Variants in PRKG1 observed in about 807,000 individuals in gnomAD.
The protein encoded by PRKG1 is protein kinase cGMP-dependent 1.
PRKG1 carries 35 observed loss-of-function variants against 88.1 expected under a neutral mutation model. That is an observed-to-expected ratio of 0.40 (90% CI 0.30 to 0.53). The LOEUF is 0.53. Among genes scored for constraint, PRKG1 ranks in the 20% least tolerant of loss-of-function variants. The pLI is 0.59. For missense variants in PRKG1, 540 were observed against 839.8 expected (o/e 0.64, Z 4.41); for synonymous variants, 303 against 292.5 (o/e 1.04, Z -0.37).
chr10:51,246,377 C>T (rs1347268248), intron 2 of PRKG1, among the ~76,000 whole-genome samples: 1 of 152,028 alleles, frequency 6.6e-6, no homozygotes, highest in African/African-American at 2.4e-5. Flanking sequence ...AGAGAGATAG[C>T]ACTCCACAAA....
At chr10:52,041,531 G>C (rs767677239) in intron 5 of PRKG1, among the ~76,000 whole-genome samples, 3 of 152,124 alleles carry the variant, frequency 2.0e-5, no homozygotes, top group Non-Finnish European at 4.4e-5. Context: ...CCAGTTATCT[G>C]GAATGGTTTG....
At chr10:51,853,723 GCAT>G (rs1840613266) in intron 4 of PRKG1, among the ~76,000 whole-genome samples, 1 of 152,046 alleles carries the variant, frequency 6.6e-6, no homozygotes, top group Admixed American at 6.6e-5. Flanking sequence ...CTGCAGGCAG[GCAT>G]CATATATATT....
At chr10:51,913,635 A>C (rs1222978999) in intron 5 of PRKG1, among the ~76,000 whole-genome samples, 1 of 152,220 alleles carries the variant, frequency 6.6e-6, no homozygotes, top group East Asian at 1.9e-4. Context: ...GTCCAGACCA[A>C]ACACAGTAAT....
chr10:52,261,155 C>T (rs1029033138), intron 10 of PRKG1, among the ~76,000 whole-genome samples: 1 of 151,800 alleles, frequency 6.6e-6, no homozygotes, highest in Non-Finnish European at 1.5e-5. Context: ...ACCTTATCTC[C>T]TCTTCAAAAA....
intron 2 of PRKG1, among the ~76,000 whole-genome samples, chr10:51,427,520 A>G (rs1318801531): frequency 6.6e-6 from 1 of 152,206 alleles, no homozygotes; most frequent in East Asian, 1.9e-4. Flanking sequence ...TTTAATACAT[A>G]GGTCACCAAG....
At chr10:52,010,640 C>A (rs1039914537) in intron 5 of PRKG1, among the ~76,000 whole-genome samples, 1 of 152,112 alleles carries the variant, frequency 6.6e-6, no homozygotes, top group African/African-American at 2.4e-5. Flanking sequence ...AAAAAAAGAA[C>A]CTGCAGAAGC....
rs111789797 is a variant in PRKG1 at position 51,628,434 on chromosome 10, A to T, written c.592+160598A>T. Among the ~76,000 whole-genome samples, 564 of 151,938 alleles carry T rather than the reference A, an allele frequency of 3.7e-3. 3 individuals are homozygous for T. The highest frequency in any genetic ancestry group is 0.013 in the African/African-American group (547 of 41,504). ...CGCCTCGCCCTCCCAAACTGCTGAGATTACAGGCGTGAGCCACTACCCCCA... is the reference window on the plus strand; with the variant it reads ...CGCCTCGCCCTCCCAAACTGCTGAGTTTACAGGCGTGAGCCACTACCCCCA... On this transcript the variant is annotated intron_variant, in intron 3 of 17. Transcript: ENST00000373980.
chr10:51,979,871 C>G (rs895360185), intron 5 of PRKG1, among the ~76,000 whole-genome samples: 7 of 151,928 alleles, frequency 4.6e-5, no homozygotes, highest in African/African-American at 1.7e-4. Context: ...TTATTTGGAT[C>G]TTCTCTCTTT....
At chr10:51,877,007 C>G (rs574279576) in intron 4 of PRKG1, among the ~76,000 whole-genome samples, 1 of 152,276 alleles carries the variant, frequency 6.6e-6, no homozygotes, top group South Asian at 2.1e-4. Context: ...TGTTCACACT[C>G]AAATCCTTGG....
At chr10:51,096,723 G>C (rs1280468967) in intron 1 of PRKG1, among the ~76,000 whole-genome samples, 1 of 152,132 alleles carries the variant, frequency 6.6e-6, no homozygotes, top group Non-Finnish European at 1.5e-5. Context: ...TCTGTTAGGA[G>C]AATTACACAA....
At chr10:51,431,224 A>C (rs1368665320) in intron 2 of PRKG1, among the ~76,000 whole-genome samples, 1 of 152,208 alleles carries the variant, frequency 6.6e-6, no homozygotes, top group Non-Finnish European at 1.5e-5. Flanking sequence ...AATTTATGGA[A>C]GTGACAAAGT....
intron 5 of PRKG1, among the ~76,000 whole-genome samples, chr10:51,947,483 A>G (rs1843076032): frequency 6.6e-6 from 1 of 151,990 alleles, no homozygotes. Flanking sequence ...TCTTCCGCCC[A>G]CTGTCTGGCA....
chr10:51,459,996 A>G (rs1839703865), intron 2 of PRKG1, among the ~76,000 whole-genome samples: 1 of 152,114 alleles, frequency 6.6e-6, no homozygotes, highest in Non-Finnish European at 1.5e-5. Flanking sequence ...AGTATTTTGT[A>G]TGCTCATGGA....
intron 5 of PRKG1, among the ~76,000 whole-genome samples, chr10:51,959,846 T>G (rs1903956): frequency 0.97 from 147,993 of 152,212 alleles, 72,085 homozygotes; most frequent in East Asian, 1. Flanking sequence ...GAATCTTGTG[T>G]TCTCTAAATT....
intron 4 of PRKG1, among the ~76,000 whole-genome samples, chr10:51,880,311 T>C (rs572337775): frequency 1.3e-5 from 2 of 152,154 alleles, no homozygotes; most frequent in African/African-American, 4.8e-5. Context: ...CATTATGTAA[T>C]TGAGTTAGAG....
At chr10:51,099,193 A>G (rs1285918184) in intron 1 of PRKG1, among the ~76,000 whole-genome samples, 1 of 152,048 alleles carries the variant, frequency 6.6e-6, no homozygotes, top group South Asian at 2.1e-4. Flanking sequence ...CTCGCTTTGT[A>G]TAGTAGCCTC....
intron 5 of PRKG1, among the ~76,000 whole-genome samples, chr10:52,030,722 C>T (rs1217983421): frequency 6.6e-6 from 1 of 152,154 alleles, no homozygotes; most frequent in Admixed American, 6.5e-5. Context: ...TGACTCAGCA[C>T]AATCAATCAC....
intron 1 of PRKG1, among the ~76,000 whole-genome samples, chr10:51,110,526 G>C (rs1844958083): frequency 6.6e-6 from 1 of 151,930 alleles, no homozygotes; most frequent in African/African-American, 2.4e-5. Flanking sequence ...TGGTTGCCTG[G>C]GATGGAGAGA....
chr10:51,851,823 G>T (rs1042429196), intron 4 of PRKG1, among the ~76,000 whole-genome samples: 1 of 152,094 alleles, frequency 6.6e-6, no homozygotes, highest in Non-Finnish European at 1.5e-5. Context: ...AGATACCAAG[G>T]TTGGCGAATA....
Sources: gnomAD v4.1 joint callset for allele counts (sites outside exome capture counted in the v4.1 genomes callset) on GRCh38, gnomAD v4.1.1 for gene constraint, MANE v1.5 for transcripts, NCBI Gene and HGNC (gene_info 2026-07-23, HGNC 2026-07-21) for gene names.